Variants in SLC4A10 observed in about 807,000 individuals in gnomAD.
The protein encoded by SLC4A10 is solute carrier family 4 member 10.
In SLC4A10, 42 loss-of-function variants were observed where a neutral mutation model predicts 137.7. The observed-to-expected ratio is 0.30, with a 90% CI of 0.24 to 0.39. The LOEUF is 0.39. Among genes scored for constraint, SLC4A10 ranks in the 10% least tolerant of loss-of-function variants. SLC4A10 has a pLI of 1.00. For missense variants in SLC4A10, 925 were observed against 1,355.0 expected (o/e 0.68, Z 4.98); for synonymous variants, 474 against 464.1 (o/e 1.02, Z -0.27).
chr2:161,974,794 A>T (rs1263795225), intron 24 of SLC4A10, among the ~76,000 whole-genome samples: 3 of 152,112 alleles, frequency 2.0e-5, no homozygotes, highest in African/African-American at 7.2e-5. Flanking sequence ...ATTCTCCAAA[A>T]TTTTCTAATC....
At chr2:161,663,812 G>A (rs2038728916) in intron 1 of SLC4A10, among the ~76,000 whole-genome samples, 1 of 151,916 alleles carries the variant, frequency 6.6e-6, no homozygotes, top group African/African-American at 2.4e-5. Flanking sequence ...ATATAATCTT[G>A]TCAAATTGTT....
chr2:161,782,119 A>C (rs2053099843), intron 2 of SLC4A10, among the ~76,000 whole-genome samples: 1 of 152,086 alleles, frequency 6.6e-6, no homozygotes, highest in African/African-American at 2.4e-5. Flanking sequence ...CAGAGCATAG[A>C]GCAAGCAAAC....
rs925192994 is a variant in SLC4A10, at chr2:161,959,166, G to T, written c.2862+611G>T. Among the ~76,000 whole-genome samples, 14 of 152,312 alleles carry T rather than the reference G, an allele frequency of 9.2e-5. No homozygotes were observed. The South Asian group carries it at 2.9e-3, about 32-fold the overall frequency. ...GGTGTAGAAATAAGAACAATTTGTT[G>T]AGATAGTGATATCCCGGGGGTTTTC... On this transcript the variant is annotated intron_variant, in intron 21 of 26. Transcript: ENST00000446997.
At chr2:161,910,752 A>G (rs1685632786) in intron 15 of SLC4A10, among the ~76,000 whole-genome samples, 1 of 151,806 alleles carries the variant, frequency 6.6e-6, no homozygotes, top group Non-Finnish European at 1.5e-5. Context: ...TTTTTTGTTT[A>G]TCTAGCACCC....
intron 1 of SLC4A10, among the ~76,000 whole-genome samples, chr2:161,631,731 A>G (rs1341907837): frequency 1.3e-5 from 2 of 151,744 alleles, no homozygotes; most frequent in Non-Finnish European, 3.0e-5. Context: ...TAACACAAAA[A>G]TTGCAGAAGT....
intron 19 of SLC4A10, among the ~76,000 whole-genome samples, chr2:161,953,502 G>A (rs1325806156): frequency 6.6e-6 from 1 of 152,054 alleles, no homozygotes; most frequent in African/African-American, 2.4e-5. Context: ...CAGCTACTCA[G>A]GAGGCTGAGG....
intron 1 of SLC4A10, among the ~76,000 whole-genome samples, chr2:161,641,744 G>A (rs1189412548): frequency 6.6e-6 from 1 of 151,958 alleles, no homozygotes; most frequent in Non-Finnish European, 1.5e-5. Context: ...AAGGGAGTTG[G>A]AATATCCAGT....
At chr2:161,630,119 T>C (rs1366551247) in intron 1 of SLC4A10, among the ~76,000 whole-genome samples, 2 of 151,848 alleles carry the variant, frequency 1.3e-5, no homozygotes, top group African/African-American at 2.4e-5. Flanking sequence ...CTGTCTTTAG[T>C]AGTGGCTGTA....
At chr2:161,634,867 C>G (rs769020422) in intron 1 of SLC4A10, among the ~76,000 whole-genome samples, 8 of 151,980 alleles carry the variant, frequency 5.3e-5, no homozygotes, top group Non-Finnish European at 1.2e-4. Flanking sequence ...TCCCTTCTCC[C>G]TACCTTCCCC....
intron 1 of SLC4A10, among the ~76,000 whole-genome samples, chr2:161,660,589 TTTC>T (rs1553479844): frequency 0.088 from 12,297 of 139,842 alleles, 823 homozygotes; most frequent in Middle Eastern, 0.16. Flanking sequence ...TCTTTCTTTC[TTTC>T]TTTCTTTCTT....
intron 26 of SLC4A10, among the ~76,000 whole-genome samples, chr2:161,982,974 C>G (rs1307750170): frequency 1.3e-5 from 2 of 152,154 alleles, no homozygotes; most frequent in Non-Finnish European, 2.9e-5. Context: ...TGAATTTCCC[C>G]TTCTCTGCAG....
intron 16 of SLC4A10, among the ~76,000 whole-genome samples, chr2:161,946,841 G>A (rs566984689): frequency 6.6e-6 from 1 of 152,042 alleles, no homozygotes; most frequent in Non-Finnish European, 1.5e-5. Flanking sequence ...CCTTGCTCAT[G>A]TAGTAATTTT....
intron 1 of SLC4A10, among the ~76,000 whole-genome samples, chr2:161,672,374 A>T (rs1465285660): frequency 6.6e-6 from 1 of 152,210 alleles, no homozygotes; most frequent in Non-Finnish European, 1.5e-5. Context: ...TTAATAAGGA[A>T]TGAAGTGACA....
chr2:161,852,040 C>T (rs531672529), intron 4 of SLC4A10, among the ~76,000 whole-genome samples: 1 of 152,220 alleles, frequency 6.6e-6, no homozygotes, highest in African/African-American at 2.4e-5. Context: ...CAGGCATTCA[C>T]CTCTACACCT....
At chr2:161,896,345 T>G (rs1244864048) in intron 11 of SLC4A10, among the ~76,000 whole-genome samples, 1 of 151,896 alleles carries the variant, frequency 6.6e-6, no homozygotes, top group South Asian at 2.1e-4. Flanking sequence ...AGTCAGGTAG[T>G]GTGATGCCTC....
rs564734394 is a variant in SLC4A10, at chr2:161,670,657, G to A, written c.48+46091G>A. 2.6e-5 allele frequency among the ~76,000 whole-genome samples: 4 copies of A among 152,142 alleles called. No homozygotes were observed. In the East Asian group the frequency reaches 7.7e-4, roughly 29 times the overall value. ...TAACAAGGTATTATTAGGTCATGAG[G>A]TTAACTCTTCAAGTGTTTTTATAGT... On this transcript the variant is annotated intron_variant, in intron 1 of 26. Transcript: ENST00000446997.
At chr2:161,793,505 G>A (rs1161609008) in intron 2 of SLC4A10, among the ~76,000 whole-genome samples, 2 of 144,390 alleles carry the variant, frequency 1.4e-5, no homozygotes, top group East Asian at 2.0e-4. Context: ...TTGCCTCCTC[G>A]TTCTATCTTT....
intron 6 of SLC4A10, among the ~76,000 whole-genome samples, chr2:161,870,632 T>C (rs1279768057): frequency 6.6e-6 from 1 of 151,842 alleles, no homozygotes; most frequent in Admixed American, 6.6e-5. Context: ...AAATGCATTA[T>C]GTAAAAGATT....
chr2:161,767,394 T>C (rs1034559706), intron 1 of SLC4A10, among the ~76,000 whole-genome samples: 13 of 151,426 alleles, frequency 8.6e-5, no homozygotes, highest in Non-Finnish European at 1.8e-4. Context: ...GCCATCCTCA[T>C]AAGTAGTTAG....
Sources: allele counts gnomAD v4.1 joint callset (sites outside exome capture counted in the v4.1 genomes callset), GRCh38; gene constraint gnomAD v4.1.1; transcripts MANE v1.5; gene names NCBI Gene and HGNC (gene_info 2026-07-23, HGNC 2026-07-21).